The following CHD1L variants were observed in gnomAD, a reference collection of about 807,000 sequenced individuals.
CHD1L encodes chromodomain helicase DNA binding protein 1 like, also known as ATP-dependent chromatin remodeler CHD1L.
A neutral mutation model predicts 115.9 loss-of-function variants in CHD1L; 118 were observed. That is an observed-to-expected ratio of 1.02 (90% CI 0.88 to 1.19). The LOEUF is 1.19. Among genes scored for constraint, CHD1L ranks in the 50% most tolerant of loss-of-function variants. CHD1L has a pLI of 0.00. For synonymous variants in CHD1L, 411 were observed against 387.1 expected (o/e 1.06, Z -0.72); for missense variants, 1,179 against 1,065.3 (o/e 1.11, Z -1.49).
chr1:147,173,683 T>A, the CHD1L span: 3 of 152,184 alleles, frequency 2.0e-5, no homozygotes, highest in Non-Finnish European at 4.4e-5. Flanking sequence ...TCTAGAAACG[T>A]TTATCACTCT....
At chr1:147,190,429 C>T in the CHD1L span, among the ~76,000 whole-genome samples, 3 of 152,252 alleles carry the variant, frequency 2.0e-5, no homozygotes, top group South Asian at 2.1e-4. Context: ...ACATCTGCAG[C>T]TTACTCTACT....
chr1:147,221,359 G>T, the CHD1L span, among the ~76,000 whole-genome samples: 10 of 152,124 alleles, frequency 6.6e-5, no homozygotes, highest in African/African-American at 1.9e-4. Flanking sequence ...GGGGTAACTG[G>T]ACATGAGGTG....
the CHD1L span, among the ~76,000 whole-genome samples, chr1:147,199,751 T>C: frequency 1.3e-5 from 2 of 152,214 alleles, no homozygotes; most frequent in Admixed American, 1.3e-4. Context: ...AGGTAGTACA[T>C]AATCTGCTGG....
intron 7 of CHD1L, 58 bp downstream of exon 7, chr1:147,264,642 T>G: frequency 6.5e-7 from 1 of 1,550,140 alleles, no homozygotes; most frequent in Non-Finnish European, 8.8e-7. Context: ...ACCATCCTCA[T>G]GCATAATGGT....
At chr1:147,191,735 C>T in the CHD1L span, among the ~76,000 whole-genome samples, 1 of 151,886 alleles carries the variant, frequency 6.6e-6, no homozygotes, top group Non-Finnish European at 1.5e-5. Context: ...ATATGGCTAG[C>T]CAGTTTTCCC....
At chr1:147,177,896 C>G in the CHD1L span, among the ~76,000 whole-genome samples, 1 of 151,912 alleles carries the variant, frequency 6.6e-6, no homozygotes, top group South Asian at 2.1e-4. Context: ...TTTTAAGTGC[C>G]TAAGTCCTGA....
At chr1:147,201,017 T>C in the CHD1L span, 1 of 670,408 alleles carries the variant, frequency 1.5e-6, no homozygotes, top group Non-Finnish European at 2.5e-6. Context: ...CTCAAAAATA[T>C]ATTTTTCTGT....
chr1:147,265,943 C>T lies in CHD1L; in HGVS notation c.751C>T (p.His251Tyr). 1 of 1,611,104 alleles carries T rather than the reference C, an allele frequency of 6.2e-7. No homozygotes were observed. Among genetic ancestry groups the T allele is most frequent in the East Asian group, 2.2e-5 (1 of 44,806 alleles). The stretch of plus-strand genomic sequence containing the variant: ...TTTTTCTTATGTAGCAAGTGAACTG[C>T]ACAAACTCTTGCAGCCATTTCTGCT... ...EKESESASELHKLLQPFLLRR... is the reference protein window; with the variant it reads ...EKESESASELYKLLQPFLLRR... The change falls in exon 8 of 23, where the codon CAC becomes TAC. Residue 251 changes from histidine (H) to tyrosine (Y), a missense_variant. Coordinates refer to ENST00000369258, the MANE Select transcript of CHD1L (RefSeq NM_004284.6).
At chr1:147,209,454 A>AAAG in the CHD1L span, among the ~76,000 whole-genome samples, 1 of 151,184 alleles carries the variant, frequency 6.6e-6, no homozygotes, top group Admixed American at 6.6e-5. Context: ...AAAAAAAAAA[A>AAAG]GAGTTCAAAC....
At chr1:147,203,293 T>C in the CHD1L span, 3 of 1,593,012 alleles carry the variant, frequency 1.9e-6, no homozygotes, top group Non-Finnish European at 2.6e-6. Flanking sequence ...TTGGTCATCA[T>C]CCCAGTCTTT....
chr1:147,257,048 T>G (rs1200858795), intron 5 of CHD1L, among the ~76,000 whole-genome samples: 1 of 152,282 alleles, frequency 6.6e-6, no homozygotes, highest in Admixed American at 6.5e-5. Flanking sequence ...TACCTCTAAT[T>G]AGTTAACCTC....
chr1:147,223,844 C>G, the CHD1L span: 1 of 303,056 alleles, frequency 3.3e-6, no homozygotes, highest in Non-Finnish European at 6.3e-6. Context: ...ACTGCTTACG[C>G]GGGCCCACAA....
At chr1:147,283,887 A>G (rs1412122425) in intron 15 of CHD1L, among the ~76,000 whole-genome samples, 1 of 152,214 alleles carries the variant, frequency 6.6e-6, no homozygotes, top group Non-Finnish European at 1.5e-5. Flanking sequence ...AAGACGCTTG[A>G]TGAGATCTGT....
chr1:147,281,122 T>A (rs1301852658), intron 15 of CHD1L, among the ~76,000 whole-genome samples: 1 of 152,210 alleles, frequency 6.6e-6, no homozygotes. Context: ...TTCTAAGTTG[T>A]CTCTCTCCCT....
chr1:147,266,127 G>A, intron 8 of CHD1L, 40 bp downstream of exon 8: 2 of 1,557,918 alleles, frequency 1.3e-6, no homozygotes, highest in Non-Finnish European at 8.7e-7. Flanking sequence ...ACTAAATGAG[G>A]ATGTGATTTC....
At chr1:147,244,966 A>C (rs2102239026) in intron 1 of CHD1L, among the ~76,000 whole-genome samples, 1 of 152,336 alleles carries the variant, frequency 6.6e-6, no homozygotes, top group African/African-American at 2.4e-5. Context: ...TAATTTGAGA[A>C]GTTAATATGC....
chr1:147,192,216 A>G, the CHD1L span, among the ~76,000 whole-genome samples: 1 of 152,012 alleles, frequency 6.6e-6, no homozygotes, highest in African/African-American at 2.4e-5. Context: ...CTCCTTGAAG[A>G]GGTCCTTCAC....
upstream of CHD1L, among the ~76,000 whole-genome samples, chr1:147,237,956 A>T (rs1019373257): frequency 6.6e-6 from 1 of 152,128 alleles, no homozygotes. Context: ...TTACAACCTT[A>T]CCTTTGATAG....
Position 147,275,346 on chromosome 1 carries a change from G to C in CHD1L, c.1271-8G>C, listed in dbSNP as rs777329903. ...TGCTGATTACATTCCTTTTTGCATT[G>C]TTTTCAGGTGGAGTTGGCATGAACT... On this transcript the variant is annotated splice_polypyrimidine_tract_variant and splice_region_variant and intron_variant, in intron 12 of 22. Coordinates refer to ENST00000369258, the MANE Select transcript of CHD1L (RefSeq NM_004284.6). 2.5e-6 allele frequency: 4 copies of C among 1,605,488 alleles called. No homozygotes were observed. Among genetic ancestry groups the C allele is most frequent in the Middle Eastern group, 1.7e-4 (1 of 6,036 alleles).
Sources: gnomAD v4.1 joint callset for allele counts (sites outside exome capture counted in the v4.1 genomes callset) on GRCh38, gnomAD v4.1.1 for gene constraint, MANE v1.5 for transcripts, NCBI Gene and HGNC (gene_info 2026-07-23, HGNC 2026-07-21) for gene names.